Variants in EXOC2 observed in about 807,000 individuals in gnomAD.
EXOC2 encodes the protein exocyst complex component 2, also known as SEC5-like 1.
EXOC2 carries 70 observed loss-of-function variants against 131.8 expected under a neutral mutation model. The ratio of observed to expected loss-of-function variants is 0.53; its 90% CI spans 0.44 to 0.65. The LOEUF (loss-of-function observed/expected upper bound fraction) is 0.65. Ranked by LOEUF, EXOC2 falls within the 30% of genes least tolerant of loss-of-function variation. EXOC2 has a pLI of 0.00. For synonymous variants in EXOC2, 411 were observed against 398.4 expected, an observed-to-expected ratio of 1.03 and a Z score of -0.38; for missense variants, 923 against 1,108.6, an observed-to-expected ratio of 0.83 and a Z score of 2.38.
chr6:675,916 G>T (rs1246873517), intron 1 of EXOC2, among the ~76,000 whole-genome samples: 3 of 111,488 alleles, frequency 2.7e-5, no homozygotes, highest in Non-Finnish European at 3.9e-5. Context: ...TTCCTCTGGA[G>T]ACTGCGGTTT....
intron 22 of EXOC2, 33 bp downstream of exon 22, chr6:549,142 A>G (rs1757013185): frequency 6.4e-7 from 1 of 1,564,246 alleles, no homozygotes; most frequent in Non-Finnish European, 8.8e-7. Flanking sequence ...TGGTAAAACC[A>G]CCGACTTGTG....
In EXOC2 at chr6:656,741, C is replaced by A. The variant is rs923156375; in HGVS notation, c.-43-18880G>T. 6 of 1,590,550 alleles carry A rather than the reference C, an allele frequency of 3.8e-6. No individual in the cohort carries two copies. In the African/African-American group the frequency reaches 6.7e-5, roughly 18 times the overall value. ...CATCGAGATCTTCCGAGACACCTTC[C>A]ATGCGAAACTGCTGGAAGGCCCCCT... On this transcript the variant is annotated intron_variant, in intron 1 of 27. Transcript: ENST00000230449.
intron 10 of EXOC2, among the ~76,000 whole-genome samples, chr6:595,350 C>A (rs1447423140): frequency 6.6e-6 from 1 of 151,938 alleles, no homozygotes; most frequent in Admixed American, 6.5e-5. Context: ...AGGTATTTGA[C>A]CTGGTTCTGA....
At position 576,722 on chromosome 6, in the gene EXOC2, T is replaced by G. The variant is rs1477784386; in HGVS notation, c.1318+35A>C. The G allele has an allele frequency of 3.1e-6, 5 of 1,602,784 alleles. No individual in the cohort carries two copies. In the South Asian group the frequency reaches 4.5e-5, roughly 14 times the overall value. On this transcript the variant is annotated intron_variant, in intron 12 of 27. Coordinates refer to ENST00000230449, the MANE Select transcript of EXOC2 (RefSeq NM_018303.6). ...GTTTGAAATTACACGAGTACAAATTTAAAAGACCCAGTGGCAGTGGAGGGA... is the reference window on the plus strand; with the variant it reads ...GTTTGAAATTACACGAGTACAAATTGAAAAGACCCAGTGGCAGTGGAGGGA...
chr6:526,273 G>A (rs1449295895), intron 23 of EXOC2, among the ~76,000 whole-genome samples: 1 of 152,012 alleles, frequency 6.6e-6, no homozygotes, highest in Non-Finnish European at 1.5e-5. Context: ...TCAATCCAGA[G>A]GGTTTTAATA....
At chr6:592,323 G>T in intron 11 of EXOC2, 146 bp downstream of exon 11, 1 of 654,264 alleles carries the variant, frequency 1.5e-6, no homozygotes, top group Non-Finnish European at 2.6e-6. Flanking sequence ...CTAACCAGTG[G>T]CCAAAAAAAC....
chr6:549,150 G>C (rs1353266868), intron 22 of EXOC2, 25 bp downstream of exon 22: 3 of 1,584,760 alleles, frequency 1.9e-6, no homozygotes, highest in Non-Finnish European at 1.7e-6. Flanking sequence ...CCACCGACTT[G>C]TGCGTTTTAC....
In EXOC2 at chr6:629,999, C is replaced by G. The variant is rs199645395; in HGVS notation, c.296-38G>C. On this transcript the variant is annotated intron_variant, in intron 3 of 27. Transcript: ENST00000230449. ...GGAGCATATGCTTAATAAGATGAAGCCTACCCCAGGCACCTTCTACGTCTG... is the reference window on the plus strand; with the variant it reads ...GGAGCATATGCTTAATAAGATGAAGGCTACCCCAGGCACCTTCTACGTCTG... 5.3e-5 allele frequency: 85 copies of G among 1,608,844 alleles called. No individual in the cohort carries two copies. In the East Asian group the frequency reaches 1.1e-3, roughly 21 times the overall value.
At chr6:636,330 T>G (rs1762100172) in intron 2 of EXOC2, among the ~76,000 whole-genome samples, 1 of 152,318 alleles carries the variant, frequency 6.6e-6, no homozygotes, top group African/African-American at 2.4e-5. Context: ...AAGACTACTT[T>G]TGCAGGAATA....
chr6:596,596 G>A lies in EXOC2; in HGVS notation c.1073+1425C>T, dbSNP rs188389877. 8.5e-5 allele frequency among the ~76,000 whole-genome samples: 13 copies of A among 152,218 alleles called. No individual in the cohort carries two copies. In the East Asian group the frequency reaches 1.9e-3, roughly 23 times the overall value. On this transcript the variant is annotated intron_variant, in intron 10 of 27. Coordinates refer to ENST00000230449, the MANE Select transcript of EXOC2 (RefSeq NM_018303.6). ...TGCCCAGGCTAGTCTTGAACTCTTA[G>A]ACTCAAACAATCCTTCTGCCTTGGC...
chr6:599,049 C>A, intron 8 of EXOC2, 31 bp downstream of exon 8: 1 of 1,585,796 alleles, frequency 6.3e-7, no homozygotes, highest in Non-Finnish European at 8.6e-7. Flanking sequence ...ACATCTACAA[C>A]CATATGTAAA....
intron 1 of EXOC2, among the ~76,000 whole-genome samples, chr6:664,435 C>T (rs1359190775): frequency 6.6e-6 from 1 of 152,090 alleles, no homozygotes; most frequent in Non-Finnish European, 1.5e-5. Flanking sequence ...TTAGAAAAAG[C>T]AATTCTAAAA....
intron 24 of EXOC2, 90 bp from the exon 25 acceptor site, chr6:497,579 G>A (rs1019960306): frequency 6.8e-7 from 1 of 1,463,778 alleles, no homozygotes; most frequent in African/African-American, 1.4e-5. Flanking sequence ...CAAAACAAAA[G>A]AAAATCAACA....
At chr6:583,125 T>C (rs1030491841) in intron 11 of EXOC2, among the ~76,000 whole-genome samples, 9 of 152,174 alleles carry the variant, frequency 5.9e-5, no homozygotes, top group Non-Finnish European at 1.0e-4. Flanking sequence ...AGCAGTTTCA[T>C]ATAGATTTAC....
intron 23 of EXOC2, among the ~76,000 whole-genome samples, chr6:526,237 G>A (rs1005126143): frequency 2.0e-5 from 3 of 152,016 alleles, no homozygotes; most frequent in African/African-American, 7.3e-5. Context: ...CCAAAAAGCA[G>A]GTATTATCAA....
intron 11 of EXOC2, among the ~76,000 whole-genome samples, chr6:578,769 A>C (rs1051243729): frequency 3.9e-5 from 6 of 152,230 alleles, no homozygotes; most frequent in African/African-American, 1.4e-4. Context: ...TACCAAAAAA[A>C]TGTGACAGAG....
At chr6:545,302 T>C (rs906265655) in intron 22 of EXOC2, among the ~76,000 whole-genome samples, 19 of 152,154 alleles carry the variant, frequency 1.2e-4, no homozygotes, top group African/African-American at 4.1e-4. Flanking sequence ...ATTAAAAAAG[T>C]ATTTTATATA....
At chr6:579,423 T>C (rs1451145548) in intron 11 of EXOC2, among the ~76,000 whole-genome samples, 3 of 152,210 alleles carry the variant, frequency 2.0e-5, no homozygotes, top group Non-Finnish European at 4.4e-5. Context: ...ATTGGTACCC[T>C]GGCATTACCA....
At chr6:621,472 CA>C (rs1278048740) in intron 4 of EXOC2, among the ~76,000 whole-genome samples, 8 of 152,234 alleles carry the variant, frequency 5.3e-5, no homozygotes, top group African/African-American at 1.9e-4. Flanking sequence ...CCACTCACTC[CA>C]AAGTCTAATG....
Sources: allele counts gnomAD v4.1 joint callset (sites outside exome capture counted in the v4.1 genomes callset), GRCh38; gene constraint gnomAD v4.1.1; transcripts MANE v1.5; gene names NCBI Gene and HGNC (gene_info 2026-07-23, HGNC 2026-07-21).